The following MTBP variants were observed in gnomAD, a reference collection of about 807,000 sequenced individuals.
MTBP encodes the protein mdm2-binding protein.
A neutral mutation model predicts 117.0 loss-of-function variants in MTBP; 101 were observed. That is an observed-to-expected ratio of 0.86 (90% CI 0.73 to 1.02). The LOEUF is 1.02. Ranked by LOEUF, MTBP falls within the 50% of genes least tolerant of loss-of-function variation. The probability of loss-of-function intolerance (pLI) is 0.00; values close to 1 mark genes in which losing one functional copy is unlikely to be tolerated. For synonymous variants in MTBP, 350 were observed against 351.5 expected (o/e 1.00, Z 0.05); for missense variants, 970 against 1,030.9 (o/e 0.94, Z 0.81).
At chr8:120,519,556 T>G (rs1814979902) in intron 20 of MTBP, among the ~76,000 whole-genome samples, 1 of 152,142 alleles carries the variant, frequency 6.6e-6, no homozygotes, top group Admixed American at 6.6e-5. Flanking sequence ...ATCTGTGGGT[T>G]TCTGGTTAAA....
intron 7 of MTBP, among the ~76,000 whole-genome samples, chr8:120,458,359 A>G (rs571298036): frequency 5.3e-5 from 8 of 152,260 alleles, no homozygotes; most frequent in African/African-American, 1.9e-4. Flanking sequence ...TATCGCATAG[A>G]TTTTTGTGAG....
chr8:120,479,230 C>G (rs1444415031), intron 11 of MTBP, among the ~76,000 whole-genome samples: 1 of 152,096 alleles, frequency 6.6e-6, no homozygotes, highest in Non-Finnish European at 1.5e-5. Context: ...ACACAATATA[C>G]CCTCATGAGA....
Position 120,506,801 on chromosome 8 carries a change from A to G in MTBP, c.1823A>G (p.Lys608Arg), listed in dbSNP as rs1317529410. Residue 608 changes from lysine (K) to arginine (R), a missense_variant, in exon 16 of 22, where the codon AAG (lysine) becomes AGG (arginine). Transcript: ENST00000305949. ...TTGTTGGATGCTAAAGAATTGCTGA[A>G]GTACTTTACCTCAGATGGATTACCC... ...ITLLDAKELL[K>R]YFTSDGLPIG... The G allele has an allele frequency of 5.6e-6, 9 of 1,613,528 alleles. No homozygotes were observed. The highest frequency in any genetic ancestry group is 7.6e-6 in the Non-Finnish European group (9 of 1,179,576).
chr8:120,505,412 T>C (rs776271972), intron 15 of MTBP, among the ~76,000 whole-genome samples: 2 of 152,174 alleles, frequency 1.3e-5, no homozygotes, highest in African/African-American at 2.4e-5. Flanking sequence ...AAAATCATTG[T>C]ATAGCTCCCA....
At chr8:120,512,734 T>C (rs1814839275) in intron 17 of MTBP, among the ~76,000 whole-genome samples, 1 of 152,082 alleles carries the variant, frequency 6.6e-6, no homozygotes, top group African/African-American at 2.4e-5. Flanking sequence ...TGTAAATTTA[T>C]GCTCATTAAA....
rs1814493879 is a variant in MTBP, at chr8:120,497,510, T to G, written c.1565T>G (p.Ile522Ser). The G allele has an allele frequency of 2.5e-6, 4 of 1,575,376 alleles. No homozygotes were observed. Among genetic ancestry groups the G allele is most frequent in the African/African-American group, 1.4e-5 (1 of 73,890 alleles). ...DYFDAVIPKM[I>S]LRKMDKIKTF... ...TTTGATGCTGTGATTCCTAAAATGA[T>G]TCTAAGAAAGATGGACAAAATTAAA... is the stretch of plus-strand genomic sequence containing the variant. Residue 522 changes from isoleucine to serine, a missense_variant, in exon 14 of 22, where the codon ATT (isoleucine) becomes AGT (serine). Coordinates refer to ENST00000305949, the MANE Select transcript of MTBP (RefSeq NM_022045.5).
At chr8:120,502,020 T>A (rs1814596275) in intron 14 of MTBP, among the ~76,000 whole-genome samples, 1 of 152,210 alleles carries the variant, frequency 6.6e-6, no homozygotes, top group African/African-American at 2.4e-5. Flanking sequence ...CAGAACATCA[T>A]AACTTATCTA....
At chr8:120,506,039 G>T (rs1288040715) in intron 15 of MTBP, among the ~76,000 whole-genome samples, 2 of 152,038 alleles carry the variant, frequency 1.3e-5, no homozygotes, top group Non-Finnish European at 2.9e-5. Flanking sequence ...CTTATTTTTA[G>T]TTATTATTTC....
At chr8:120,468,698 TGTTGCA>T (rs1439799414) in intron 10 of MTBP, among the ~76,000 whole-genome samples, 2 of 152,018 alleles carry the variant, frequency 1.3e-5, no homozygotes, top group Non-Finnish European at 2.9e-5. Context: ...CGGCTACAGG[TGTTGCA>T]GTTTTTGGTG....
intron 16 of MTBP, among the ~76,000 whole-genome samples, chr8:120,507,339 A>G (rs1160304944): frequency 2.0e-5 from 3 of 152,168 alleles, no homozygotes; most frequent in Non-Finnish European, 4.4e-5. Flanking sequence ...ATTGCCAAGT[A>G]AGAATTCAGT....
rs778583530 is a variant in MTBP at position 120,453,899 on chromosome 8, G to A, written c.478G>A (p.Ala160Thr). Residue 160 changes from alanine to threonine, a missense_variant, in exon 5 of 22, where the codon GCT becomes ACT. By Grantham distance (58) the Ala-to-Thr change is moderately conservative. Transcript: ENST00000305949. Reference protein sequence around the residue: ...NLHQLSDKLPAPGRAMVDIIL... With the variant: ...NLHQLSDKLPTPGRAMVDIIL... ...GCATCAGCTGTCAGACAAGCTTCCT[G>A]CTCCTGGTAATATTTTATGACTGCT... 1.3e-6 allele frequency: 2 copies of A among 1,559,552 alleles called. No individual in the cohort carries two copies. The highest frequency in any genetic ancestry group is 4.7e-5 in the East Asian group (2 of 42,984).
At position 120,515,913 on chromosome 8, in the gene MTBP, C is replaced by G. The variant is rs1439049708; in HGVS notation, c.1980-12C>G. 6.2e-7 allele frequency: 1 copy of G among 1,609,542 alleles called. No individual in the cohort carries two copies. The highest frequency in any genetic ancestry group is 8.5e-7 in the Non-Finnish European group (1 of 1,177,612). On this transcript the variant is annotated splice_polypyrimidine_tract_variant and intron_variant, in intron 17 of 21. Transcript: ENST00000305949. ...GGAGGTTTACATTTTAATGCTCTTT[C>G]ACTCATTTTAGATATTGCTTGGATG...
intron 11 of MTBP, among the ~76,000 whole-genome samples, chr8:120,483,195 AT>A (rs1047728019): frequency 1.3e-4 from 19 of 148,786 alleles, no homozygotes; most frequent in South Asian, 6.4e-4. Context: ...AATTAGATTT[AT>A]TTTTTTTTTC....
intron 17 of MTBP, among the ~76,000 whole-genome samples, chr8:120,514,390 C>T (rs1387745972): frequency 6.6e-6 from 1 of 152,044 alleles, no homozygotes; most frequent in Admixed American, 6.6e-5. Context: ...CCCATAACCA[C>T]TATTCTACTC....
At chr8:120,499,962 C>G (rs997926193) in intron 14 of MTBP, among the ~76,000 whole-genome samples, 3 of 152,156 alleles carry the variant, frequency 2.0e-5, no homozygotes, top group East Asian at 3.8e-4. Flanking sequence ...AAAGGATCTT[C>G]TGGCATTTAT....
chr8:120,502,502 A>G lies in MTBP; in HGVS notation c.1620A>G (p.Pro540=). 6.3e-7 allele frequency: 1 copy of G among 1,592,492 alleles called. No homozygotes were observed. The highest frequency in any genetic ancestry group is 8.5e-7 in the Non-Finnish European group (1 of 1,170,540). The part of the protein sequence containing the change: ...KTFNILNDFS[P]VEPNSSSLME... The stretch of plus-strand genomic sequence containing the variant: ...TTTCTTTCACTTTAGATTTTAGTCC[A>G]GTGGAACCTAATTCCTCAAGTCTAA... Residue 540 remains proline, a synonymous_variant, in exon 15 of 22, where the codon CCA becomes CCG. Coordinates refer to ENST00000305949, the MANE Select transcript of MTBP (RefSeq NM_022045.5).
At chr8:120,492,403 G>T (rs7815522) in intron 13 of MTBP, among the ~76,000 whole-genome samples, 81,517 of 152,042 alleles carry the variant, frequency 0.54, 24,834 homozygotes, top group Non-Finnish European at 0.67. Context: ...TCAGTGATTT[G>T]CAAATAAGTG....
At chr8:120,466,235 G>A (rs866412221) in intron 10 of MTBP, among the ~76,000 whole-genome samples, 4 of 137,046 alleles carry the variant, frequency 2.9e-5, no homozygotes, top group African/African-American at 5.7e-5. Context: ...TTTTTTAGAC[G>A]GAGTCTCGCT....
chr8:120,459,194 G>A lies in MTBP; in HGVS notation c.748-21G>A, dbSNP rs148590545. On this transcript the variant is annotated intron_variant, in intron 7 of 21. Transcript: ENST00000305949. Reference sequence around the variant, plus strand: ...CATTATTCATGATACTTGTAACTGTGTTTTCTTGGTCTCTTTTCAGTTTGG... The same window carrying A: ...CATTATTCATGATACTTGTAACTGTATTTTCTTGGTCTCTTTTCAGTTTGG... The A allele has an allele frequency of 1.9e-4, 302 of 1,595,400 alleles. 2 individuals are homozygous for A. In the East Asian group the frequency reaches 6.7e-3, roughly 35 times the overall value.
Sources: allele counts gnomAD v4.1 joint callset (sites outside exome capture counted in the v4.1 genomes callset), GRCh38; gene constraint gnomAD v4.1.1; transcripts MANE v1.5; gene names NCBI Gene and HGNC (gene_info 2026-07-23, HGNC 2026-07-21).